Variants in FBXL2 observed in about 807,000 individuals in gnomAD.
FBXL2 encodes the protein F-box/LRR-repeat protein 2.
A neutral mutation model predicts 69.2 loss-of-function variants in FBXL2; 38 were observed. That is an observed-to-expected ratio of 0.55 (90% CI 0.42 to 0.72). FBXL2 has a LOEUF of 0.72. Ranked by LOEUF, FBXL2 falls within the 30% of genes least tolerant of loss-of-function variation. The probability of loss-of-function intolerance (pLI) is 0.00; values close to 1 mark genes in which losing one functional copy is unlikely to be tolerated. For missense variants in FBXL2, 354 were observed against 520.3 expected, an observed-to-expected ratio of 0.68 and a Z score of 3.11; for synonymous variants, 192 against 201.3, an observed-to-expected ratio of 0.95 and a Z score of 0.39.
chr3:33,288,236 G>T (rs777123896), intron 1 of FBXL2, among the ~76,000 whole-genome samples: 1 of 152,148 alleles, frequency 6.6e-6, no homozygotes, highest in Non-Finnish European at 1.5e-5. Flanking sequence ...CTACAGCTGC[G>T]TCTTTCCATT....
chr3:33,307,631 T>G (rs780352007), intron 2 of FBXL2, among the ~76,000 whole-genome samples: 3 of 152,040 alleles, frequency 2.0e-5, no homozygotes, highest in African/African-American at 7.2e-5. Context: ...ATTTGAGAAT[T>G]TAAGGGTAAA....
intron 1 of FBXL2, among the ~76,000 whole-genome samples, chr3:33,280,899 A>G (rs925062948): frequency 1.1e-4 from 17 of 152,110 alleles, no homozygotes; most frequent in African/African-American, 1.7e-4. Flanking sequence ...ATAATTTTCC[A>G]GTTTAATTTG....
In FBXL2 at chr3:33,345,258, A is replaced by C. The variant is rs139333990; in HGVS notation, c.66-13709A>C. Reference sequence around the variant, plus strand: ...CATCAGTCTGGGCCTCTGTGGTCACATTGCCTCCTTCTCTTCTCAAGATCC... The same window carrying C: ...CATCAGTCTGGGCCTCTGTGGTCACCTTGCCTCCTTCTCTTCTCAAGATCC... On this transcript the variant is annotated intron_variant, in intron 2 of 14. Coordinates refer to ENST00000484457, the MANE Select transcript of FBXL2 (RefSeq NM_012157.5). Among the ~76,000 whole-genome samples the C allele has an allele frequency of 5.3e-5, 8 of 152,226 alleles. No homozygotes were observed. In the East Asian group the frequency reaches 1.5e-3, roughly 29 times the overall value.
At chr3:33,404,243 T>G (rs2044352214), downstream of FBXL2, among the ~76,000 whole-genome samples, 1 of 152,094 alleles carries the variant, frequency 6.6e-6, no homozygotes, top group Non-Finnish European at 1.5e-5. Context: ...ACACCCCGTC[T>G]CTACTAAAAA....
intron 5 of FBXL2, among the ~76,000 whole-genome samples, chr3:33,369,040 T>A (rs2042125961): frequency 6.7e-6 from 1 of 149,688 alleles, no homozygotes; most frequent in South Asian, 2.1e-4. Context: ...TTTCCTCTTT[T>A]TCTTTCTTCT....
At chr3:33,395,328 ATCT>A (rs1315076520) in intron 12 of FBXL2, among the ~76,000 whole-genome samples, 1 of 150,732 alleles carries the variant, frequency 6.6e-6, no homozygotes, top group African/African-American at 2.5e-5. Flanking sequence ...CCATTAACAC[ATCT>A]TTTTTTTTTT....
intron 4 of FBXL2, among the ~76,000 whole-genome samples, chr3:33,359,678 C>G (rs75183940): frequency 6.6e-6 from 1 of 151,240 alleles, no homozygotes; most frequent in African/African-American, 2.4e-5. Context: ...ACTTATTGAT[C>G]TAGAAAATCC....
chr3:33,385,834 G>T lies in FBXL2; in HGVS notation c.*226G>T. The T allele has an allele frequency of 1.8e-6, 1 of 557,338 alleles. No individual in the cohort carries two copies. 34.5% of individuals were successfully genotyped at this position (557,338 alleles called of 1,614,324 possible). A position where few individuals can be genotyped will look rare whatever the true frequency, so the allele number is the denominator to read the frequency against. Reference sequence around the variant, plus strand: ...CCTTGTGTCAGTTAACACATGACAAGTGGTCTCAATGCAGCTAGGACCATG... The same window carrying T: ...CCTTGTGTCAGTTAACACATGACAATTGGTCTCAATGCAGCTAGGACCATG... On this transcript the variant is annotated 3_prime_UTR_variant, in exon 15 of 15. Coordinates refer to ENST00000484457, the MANE Select transcript of FBXL2 (RefSeq NM_012157.5).
chr3:33,363,102 A>G (rs2041740623), intron 4 of FBXL2, among the ~76,000 whole-genome samples: 1 of 152,150 alleles, frequency 6.6e-6, no homozygotes, highest in African/African-American at 2.4e-5. Context: ...CTGCAGTGGC[A>G]TGATCTTGGC....
intron 2 of FBXL2, among the ~76,000 whole-genome samples, chr3:33,340,918 AAGAAG>A (rs1191453598): frequency 2.0e-5 from 3 of 146,514 alleles, no homozygotes; most frequent in East Asian, 2.1e-4. Flanking sequence ...AAAAAAAAAA[AAGAAG>A]AGGAAGTATT....
chr3:33,376,144 G>A (rs1181935563), intron 10 of FBXL2, among the ~76,000 whole-genome samples: 2 of 146,190 alleles, frequency 1.4e-5, no homozygotes, highest in South Asian at 2.2e-4. Flanking sequence ...TGACAAGAGT[G>A]AGACCCCATC....
chr3:33,302,036 T>C (rs573689488), intron 2 of FBXL2, among the ~76,000 whole-genome samples: 1 of 152,324 alleles, frequency 6.6e-6, no homozygotes, highest in East Asian at 1.9e-4. Flanking sequence ...ATTAAATAAA[T>C]GTTCGCTCTT....
rs139793007 is a variant in FBXL2 at position 33,324,285 on chromosome 3, G to T, written c.65+26560G>T. On this transcript the variant is annotated intron_variant, in intron 2 of 14. Transcript: ENST00000484457. Reference sequence around the variant, plus strand: ...CACTCTGATGATAGCTTCTTTTGCTGTGCAGAAGCTTTTTAGTTTAATTAG... The same window carrying T: ...CACTCTGATGATAGCTTCTTTTGCTTTGCAGAAGCTTTTTAGTTTAATTAG... 2.6e-3 allele frequency among the ~76,000 whole-genome samples: 393 copies of T among 152,202 alleles called. 1 individual carries two copies. Among genetic ancestry groups the T allele is most frequent in the African/African-American group, 8.3e-3 (343 of 41,514 alleles).
chr3:33,402,690 GTTTCC>G, intron 12 of FBXL2: 1 of 723,086 alleles, frequency 1.4e-6, no homozygotes, highest in Non-Finnish European at 2.1e-6. Flanking sequence ...TCCCCTTACT[GTTTCC>G]TTTAGGTACA....
At chr3:33,409,153 CT>C in the FBXL2 span, 1 of 1,348,116 alleles carries the variant, frequency 7.4e-7, no homozygotes. Context: ...TTCCCCAACC[CT>C]TTTGTAGCAG....
intron 14 of FBXL2, 107 bp from the exon 15 acceptor site, chr3:33,385,394 C>T: frequency 3.0e-6 from 3 of 1,010,436 alleles, no homozygotes; most frequent in Non-Finnish European, 4.7e-6. Flanking sequence ...TCTACTTCAA[C>T]TAAGGTGAAG....
intron 1 of FBXL2, among the ~76,000 whole-genome samples, chr3:33,296,473 T>C (rs1462438810): frequency 6.6e-6 from 1 of 152,242 alleles, no homozygotes; most frequent in African/African-American, 2.4e-5. Flanking sequence ...CCAAGATTTA[T>C]GCTTATGTTT....
chr3:33,341,364 G>A (rs2040001912), intron 2 of FBXL2, among the ~76,000 whole-genome samples: 2 of 152,162 alleles, frequency 1.3e-5, no homozygotes, highest in African/African-American at 4.8e-5. Context: ...AAGAAGGGAT[G>A]GAAGGAGGGT....
chr3:33,283,437 G>T (rs1292614337), intron 1 of FBXL2, among the ~76,000 whole-genome samples: 1 of 152,164 alleles, frequency 6.6e-6, no homozygotes, highest in Non-Finnish European at 1.5e-5. Flanking sequence ...ATGTGCTGCT[G>T]GATTCAGTTT....
Sources: allele counts gnomAD v4.1 joint callset (sites outside exome capture counted in the v4.1 genomes callset), GRCh38; gene constraint gnomAD v4.1.1; transcripts MANE v1.5; gene names NCBI Gene and HGNC (gene_info 2026-07-23, HGNC 2026-07-21).